The following ZC3H7B variants were observed in gnomAD, a reference collection of about 807,000 sequenced individuals.
ZC3H7B encodes zinc finger CCCH domain-containing protein 7B.
Under a neutral mutation model 116.0 loss-of-function variants are expected in ZC3H7B, and 35 were observed. The ratio of observed to expected loss-of-function variants is 0.30; its 90% CI spans 0.23 to 0.40. The LOEUF is 0.40. Among genes scored for constraint, ZC3H7B ranks in the 10% least tolerant of loss-of-function variants. The pLI is 1.00. For missense variants in ZC3H7B, 1,011 were observed against 1,321.5 expected, an observed-to-expected ratio of 0.77 and a Z score of 3.64; for synonymous variants, 502 against 545.6, an observed-to-expected ratio of 0.92 and a Z score of 1.11.
Position 41,338,937 on chromosome 22 carries a change from G to A in ZC3H7B, c.626-64G>A. Reference sequence around the variant, plus strand: ...GTGTTGGATGAGCATCACGGGGCCCGGGACGCCTCCTCCACCCTCACCAAG... The same window carrying A: ...GTGTTGGATGAGCATCACGGGGCCCAGGACGCCTCCTCCACCCTCACCAAG... On this transcript the variant is annotated intron_variant, in intron 8 of 22. Coordinates refer to ENST00000352645, the MANE Select transcript of ZC3H7B (RefSeq NM_017590.6). This position sits in a 1 kb window ranked among gnomAD's most constrained non-coding sequence, Gnocchi z 4.5. 3.5e-6 allele frequency: 5 copies of A among 1,444,718 alleles called. No homozygotes were observed. The highest frequency in any genetic ancestry group is 1.4e-5 in the African/African-American group (1 of 69,702). The allele number at this position is 1,444,718 out of a possible 1,614,324, so 89.5% of individuals were successfully genotyped here.
At chr22:41,330,255 T>TTTCAGCCAACA in intron 6 of ZC3H7B, 152 bp downstream of exon 6, 1 of 758,606 alleles carries the variant, frequency 1.3e-6, no homozygotes, top group Non-Finnish European at 2.1e-6. Flanking sequence ...GTCTGTTGGC[T>TTTCAGCCAACA]GAAAGCCCTG....
At chr22:41,354,604 G>T (rs1265930477) in intron 17 of ZC3H7B, among the ~76,000 whole-genome samples, 1 of 152,154 alleles carries the variant, frequency 6.6e-6, no homozygotes, top group African/African-American at 2.4e-5. Flanking sequence ...GGAAGACGGG[G>T]AGGCTTGAGG....
At chr22:41,347,502 G>A (rs2036602116) in intron 14 of ZC3H7B, among the ~76,000 whole-genome samples, 1 of 152,194 alleles carries the variant, frequency 6.6e-6, no homozygotes, top group Admixed American at 6.5e-5. Context: ...GACCCCGCTT[G>A]GCCTCCGGAG....
chr22:41,343,322 A>T, intron 12 of ZC3H7B, 93 bp from the exon 13 acceptor site: 2 of 1,485,080 alleles, frequency 1.3e-6, no homozygotes, highest in Non-Finnish European at 1.8e-6. Flanking sequence ...GTATATAAGG[A>T]GGGGGCCGAT....
intron 1 of ZC3H7B, among the ~76,000 whole-genome samples, chr22:41,316,820 G>A (rs11090043): frequency 0.044 from 6,721 of 151,736 alleles, 495 homozygotes; most frequent in African/African-American, 0.15. Flanking sequence ...GATTACAGGC[G>A]TGTGCCACCA....
rs548915867 is a variant in ZC3H7B at position 41,346,168 on chromosome 22, T to C, written c.1625T>C (p.Leu542Pro). ...VKRGSLTIAK[L>P]LKEHQGIFTF... is the part of the protein sequence containing the mutation. ...CGCGGCAGCCTCACCATCGCCAAGC[T>C]CCTGAAGGAGCACCAGGGCATCTTC... The change falls in exon 14 of 23, where the codon CTC becomes CCC. Residue 542 changes from leucine to proline, a missense_variant. Coordinates refer to ENST00000352645, the MANE Select transcript of ZC3H7B (RefSeq NM_017590.6). The surrounding 1 kb of genome is among the most constrained non-coding windows in gnomAD (Gnocchi z 5.3). 1.2e-6 allele frequency: 2 copies of C among 1,612,208 alleles called. No individual in the cohort carries two copies. Among genetic ancestry groups the C allele is most frequent in the Admixed American group, 3.3e-5 (2 of 60,014 alleles).
intron 17 of ZC3H7B, among the ~76,000 whole-genome samples, chr22:41,354,051 T>C (rs2145943236): frequency 1.3e-5 from 2 of 152,244 alleles, no homozygotes; most frequent in Admixed American, 1.3e-4. Flanking sequence ...GGCAACATAG[T>C]GAGACCCCTC....
chr22:41,318,222 A>T (rs980340377), intron 1 of ZC3H7B, among the ~76,000 whole-genome samples: 1 of 151,538 alleles, frequency 6.6e-6, no homozygotes, highest in South Asian at 2.1e-4. Flanking sequence ...ATCACTTGAG[A>T]CCAGGAGTTT....
chr22:41,355,824 C>T lies in ZC3H7B; in HGVS notation c.2236C>T (p.Pro746Ser), dbSNP rs1277956298. 6.2e-7 allele frequency: 1 copy of T among 1,613,650 alleles called. No homozygotes were observed. Among genetic ancestry groups the T allele is most frequent in the Admixed American group, 1.7e-5 (1 of 60,020 alleles). The change falls in exon 19 of 23, where the codon CCA becomes TCA. Residue 746 changes from proline to serine, a missense_variant. By Grantham distance (74) the Pro-to-Ser change is moderately conservative. Around this residue, in one of 5 missense-constraint regions of ZC3H7B, gnomAD observed 406 missense variants for 590.2 expected, o/e 0.69. Coordinates refer to ENST00000352645, the MANE Select transcript of ZC3H7B (RefSeq NM_017590.6). ...KAKRKWVSVR[P>S]LPSIRNFPQQ... ...CAAGAGGAAATGGGTGTCAGTGAGG[C>T]CACTGCCATCCATTCGTAACTTCCC...
At position 41,351,926 on chromosome 22, in the gene ZC3H7B, G is replaced by T. The variant is rs1373545965; in HGVS notation, c.2034+280G>T. 6.6e-6 allele frequency among the ~76,000 whole-genome samples: 1 copy of T among 151,780 alleles called. No homozygotes were observed. The highest frequency in any genetic ancestry group is 2.4e-5 in the African/African-American group (1 of 41,108). On this transcript the variant is annotated intron_variant, in intron 17 of 22. Transcript: ENST00000352645. The surrounding 1 kb of genome is among the most constrained non-coding windows in gnomAD (Gnocchi z 5.1). ...CAGCTTCCACCTCCTGGTCTCAGGT[G>T]ATCCTCCTGCCTCAGCCTCCTGAGT...
rs143928092 is a variant in ZC3H7B at position 41,357,357 on chromosome 22, A to G, written c.2862A>G (p.Gln954=). Residue 954 remains glutamine (Q), a synonymous_variant, in exon 23 of 23, where the codon CAA becomes CAG. Transcript: ENST00000352645. This position sits in a 1 kb window ranked among gnomAD's most constrained non-coding sequence, Gnocchi z 5.4. ...TTGGCAAATACAACTTCCTGCTGCA[A>G]GAGGACGGGGACCTTGCCGGTGCCA... ...DDFGKYNFLL[Q]EDGDLAGATP... The G allele has an allele frequency of 1.9e-6, 3 of 1,613,348 alleles. No homozygotes were observed. The highest frequency in any genetic ancestry group is 1.3e-5 in the African/African-American group (1 of 74,902).
chr22:41,341,034 C>A, intron 10 of ZC3H7B, 54 bp from the exon 11 acceptor site: 1 of 1,570,378 alleles, frequency 6.4e-7, no homozygotes, highest in Non-Finnish European at 8.7e-7. Flanking sequence ...CCTAGGAAGG[C>A]CCCTCACGCC....
In ZC3H7B at chr22:41,327,734, C is replaced by T. The variant is rs896634013; in HGVS notation, c.444+370C>T. On this transcript the variant is annotated intron_variant, in intron 5 of 22. Transcript: ENST00000352645. This position sits in a 1 kb window ranked among gnomAD's most constrained non-coding sequence, Gnocchi z 4.5. ...GGTCAGGAGTTTGAGACCAGCCTGG[C>T]CAACATGGCAAAACCCCATCTCTAC... Among the ~76,000 whole-genome samples the T allele has an allele frequency of 4.6e-5, 7 of 151,930 alleles. No individual in the cohort carries two copies. Among genetic ancestry groups the T allele is most frequent in the African/African-American group, 1.7e-4 (7 of 41,324 alleles).
intron 2 of ZC3H7B, 134 bp downstream of exon 2, chr22:41,320,847 G>A (rs984784671): frequency 3.5e-5 from 43 of 1,238,084 alleles, no homozygotes; most frequent in African/African-American, 7.5e-5. Flanking sequence ...GCTGGGGTGC[G>A]GGCAGGTGGG....
At chr22:41,348,266 A>T in intron 15 of ZC3H7B, 99 bp downstream of exon 15, 1 of 1,070,864 alleles carries the variant, frequency 9.3e-7, no homozygotes, top group East Asian at 2.4e-5. Flanking sequence ...GAAAGGGTGG[A>T]TGTAGGGTGC....
At position 41,306,863 on chromosome 22, in the gene ZC3H7B, T is replaced by C. The variant is rs761591780; in HGVS notation, c.-7+5091T>C. ...GAGCCTCAGGGGAGACCTGAGGTTA[T>C]TCAGACAGCAGCGGGTGGAGGTGCT... On this transcript the variant is annotated intron_variant, in intron 1 of 22. Transcript: ENST00000352645. Among the ~76,000 whole-genome samples, 249 of 152,164 alleles carry C rather than the reference T, an allele frequency of 1.6e-3. 2 individuals carry two copies. The highest frequency in any genetic ancestry group is 2.5e-4 in the Non-Finnish European group (17 of 67,996).
Position 41,352,612 on chromosome 22 carries a change from AT to A in ZC3H7B, c.2034+968del, listed in dbSNP as rs1474744625. Reference sequence around the variant, plus strand: ...CCCATCTGTACTAAAAATACAAAAAATTAGCTGGGCGTGGTGGCGGGCGCCT... The same window carrying A: ...CCCATCTGTACTAAAAATACAAAAAATAGCTGGGCGTGGTGGCGGGCGCCT... On this transcript the variant is annotated intron_variant, in intron 17 of 22. Transcript: ENST00000352645. 6.6e-5 allele frequency among the ~76,000 whole-genome samples: 10 copies of A among 152,180 alleles called. No homozygotes were observed. The South Asian group carries it at 1.5e-3, about 22-fold the overall frequency.
chr22:41,356,084 G>A, intron 20 of ZC3H7B, 22 bp downstream of exon 20: 1 of 1,550,836 alleles, frequency 6.4e-7, no homozygotes, highest in Non-Finnish European at 8.7e-7. Context: ...GACGGGGCGG[G>A]CGGGCCCTCC....
Position 41,357,502 on chromosome 22 carries a change from T to C in ZC3H7B, c.*73T>C, listed in dbSNP as rs1601800886. ...GGGGCCAGAAGGCCTGATAGAAGGG[T>C]CAGGGCAGGCCAGGGGGGTGGGGGG... On this transcript the variant is annotated 3_prime_UTR_variant, in exon 23 of 23. Transcript: ENST00000352645. This position sits in a 1 kb window ranked among gnomAD's most constrained non-coding sequence, Gnocchi z 5.4. The C allele has an allele frequency of 3.6e-6, 3 of 831,592 alleles. No homozygotes were observed. Among genetic ancestry groups the C allele is most frequent in the South Asian group, 1.5e-5 (1 of 68,076 alleles). 51.5% of individuals were successfully genotyped at this position (831,592 alleles called of 1,614,324 possible).
Sources: gnomAD v4.1 joint callset for allele counts (sites outside exome capture counted in the v4.1 genomes callset) on GRCh38, gnomAD v4.1.1 for gene constraint, gnomAD v4.1.1 regional missense constraint, Gnocchi (gnomAD v3.1) non-coding constraint, MANE v1.5 for transcripts, NCBI Gene and HGNC (gene_info 2026-07-23, HGNC 2026-07-21) for gene names.